Variants in NCOR2 observed in about 807,000 individuals in gnomAD.
NCOR2 encodes CTG repeat protein 26.
A neutral mutation model predicts 262.9 loss-of-function variants in NCOR2; 81 were observed. The observed-to-expected ratio is 0.31, with a 90% CI of 0.26 to 0.37. NCOR2 has a LOEUF of 0.37. Among genes scored for constraint, NCOR2 ranks in the 10% least tolerant of loss-of-function variants. The pLI is 1.00. For missense variants in NCOR2, 3,385 were observed against 3,621.4 expected (o/e 0.93, Z 1.68); for synonymous variants, 1,659 against 1,559.3 (o/e 1.06, Z -1.51).
chr12:124,327,711 A>G lies in NCOR2; in HGVS notation c.6959-78T>C, dbSNP rs529336278. On this transcript the variant is annotated intron_variant, in intron 44 of 46. Coordinates refer to ENST00000405201, the Ensembl canonical transcript of NCOR2. ...AGCCAGAGGGGCGACAGAGAGAGAG[A>G]AGGGAGAGAGAGAGGGAAGGAGGAG... 1.1e-4 allele frequency: 110 copies of G among 1,021,336 alleles called. 1 individual carries two copies. In the African/African-American group the frequency reaches 1.7e-3, roughly 16 times the overall value. 63.3% of individuals were successfully genotyped at this position (1,021,336 alleles called of 1,614,324 possible).
intron 19 of NCOR2, among the ~76,000 whole-genome samples, chr12:124,373,495 T>TCAC (rs1370130849): frequency 2.2e-5 from 2 of 91,328 alleles, no homozygotes; most frequent in African/African-American, 1.0e-4. Flanking sequence ...CAGTGGACAG[T>TCAC]GAGGCCAGTG....
chr12:124,463,873 C>G (rs1251586633), intron 5 of NCOR2, among the ~76,000 whole-genome samples: 1 of 151,930 alleles, frequency 6.6e-6, no homozygotes, highest in African/African-American at 2.4e-5. Flanking sequence ...CAGGCCAGAG[C>G]TGGCCACCCG....
exon 47 of NCOR2, chr12:124,325,179 T>A: frequency 1.3e-5 from 3 of 223,232 alleles, no homozygotes. Context: ...CAGGTAAACA[T>A]CCCCTGAGTA....
intron 44 of NCOR2, among the ~76,000 whole-genome samples, chr12:124,330,441 T>C (rs951170947): frequency 6.6e-6 from 1 of 152,264 alleles, no homozygotes; most frequent in African/African-American, 2.4e-5. Flanking sequence ...TGGCTGGATT[T>C]AAGGAATGAA....
intron 5 of NCOR2, among the ~76,000 whole-genome samples, chr12:124,461,158 G>A (rs1180996515): frequency 2.0e-5 from 3 of 152,206 alleles, no homozygotes; most frequent in Admixed American, 1.3e-4. Context: ...TCTCAATCCC[G>A]CTGAAACCCG....
chr12:124,325,611 G>C, intron 46 of NCOR2, 28 bp from the exon 49 acceptor site: 3 of 1,263,470 alleles, frequency 2.4e-6, no homozygotes, highest in Non-Finnish European at 2.0e-6. Context: ...AGATGCCCAG[G>C]AGGCCTCTGT....
chr12:124,495,132 T>G lies in NCOR2; in HGVS notation c.105+15A>C, dbSNP rs201531964. 6.8e-6 allele frequency: 11 copies of G among 1,613,068 alleles called. No individual in the cohort carries two copies. The highest frequency in any genetic ancestry group is 8.5e-6 in the Non-Finnish European group (10 of 1,179,662). On this transcript the variant is annotated intron_variant, in intron 1 of 46. Coordinates refer to ENST00000405201, the Ensembl canonical transcript of NCOR2. The surrounding 1 kb of genome is among the most constrained non-coding windows in gnomAD (Gnocchi z 4.4). Reference sequence around the variant, plus strand: ...TCAAAGGTAGCCCCAGGCGCACACATGTGCACCCCCTTACCGTGTGCGTCC... The same window carrying G: ...TCAAAGGTAGCCCCAGGCGCACACAGGTGCACCCCCTTACCGTGTGCGTCC...
At chr12:124,463,553 A>G (rs1565965948) in intron 5 of NCOR2, among the ~76,000 whole-genome samples, 1 of 152,178 alleles carries the variant, frequency 6.6e-6, no homozygotes, top group South Asian at 2.1e-4. Flanking sequence ...ATGTGCTCCG[A>G]ATGGATAATG....
chr12:124,325,738 G>A lies in NCOR2; in HGVS notation c.7364-155C>T, dbSNP rs577915682. ...TTGCGAACAGGTCTCAGAACCGTCT[G>A]CCTCTCTTCACCTGTTCTACTTCCG... On this transcript the variant is annotated intron_variant, in intron 46 of 46. Transcript: ENST00000405201. Among the ~76,000 whole-genome samples, 8 of 152,290 alleles carry A rather than the reference G, an allele frequency of 5.3e-5. No homozygotes were observed. In the East Asian group the frequency reaches 1.2e-3, roughly 22 times the overall value.
chr12:124,348,687 C>A, intron 28 of NCOR2: 1 of 299,402 alleles, frequency 3.3e-6, no homozygotes. Context: ...CACACACATG[C>A]ACGTGAGCAA....
Position 124,549,175 on chromosome 12 carries a change from T to C in NCOR2, c.-164-13564A>G, listed in dbSNP as rs2051633243. 6.6e-6 allele frequency among the ~76,000 whole-genome samples: 1 copy of C among 151,746 alleles called. No individual in the cohort carries two copies. The highest frequency in any genetic ancestry group is 1.5e-5 in the Non-Finnish European group (1 of 67,940). ...TGAGCCTTCGCTGCTTGCCTGGCAA[T>C]GATGATGGTTGCTGGGTCACGAGAT... is the stretch of plus-strand genomic sequence containing the variant. On this transcript the variant is annotated intron_variant, in intron 1 of 32. Coordinates refer to the NCOR2 transcript ENST00000458234. This position sits in a 1 kb window ranked among gnomAD's most constrained non-coding sequence, Gnocchi z 4.4.
intron 1 of NCOR2, among the ~76,000 whole-genome samples, chr12:124,508,657 C>T (rs952086325): frequency 2.6e-5 from 4 of 152,172 alleles, no homozygotes; most frequent in Non-Finnish European, 4.4e-5. Context: ...ACAGGGTCCA[C>T]GTGGGGCAGG....
chr12:124,390,477 G>GGCC (rs1593336559), intron 16 of NCOR2, among the ~76,000 whole-genome samples: 1 of 129,118 alleles, frequency 7.7e-6, no homozygotes, highest in African/African-American at 3.4e-5. Context: ...CCTCCAAAGT[G>GGCC]ACCCCCCCCC....
Position 124,523,726 on chromosome 12 carries a change from C to G in NCOR2, c.-118+11839G>C, listed in dbSNP as rs552696431. 2.0e-5 allele frequency among the ~76,000 whole-genome samples: 3 copies of G among 152,068 alleles called. No homozygotes were observed. Among genetic ancestry groups the G allele is most frequent in the African/African-American group, 7.3e-5 (3 of 41,376 alleles). On this transcript the variant is annotated intron_variant, in intron 1 of 46. Transcript: ENST00000404621. This position sits in a 1 kb window ranked among gnomAD's most constrained non-coding sequence, Gnocchi z 4.0. ...GGCTGCATTTAAAACCGTCCTGAGCCGCAGGTTGGACAAGCTTGCCTTACA... is the reference window on the plus strand; with the variant it reads ...GGCTGCATTTAAAACCGTCCTGAGCGGCAGGTTGGACAAGCTTGCCTTACA...
At position 124,335,606 on chromosome 12, in the gene NCOR2, C is replaced by T. The variant is rs372303606; in HGVS notation, c.6142G>A (p.Glu2048Lys). The change falls in exon 39 of 47, where the codon GAA becomes AAA. Residue 2048 changes from glutamate to lysine, a missense_variant. Around this residue, in one of 5 missense-constraint regions of NCOR2, gnomAD observed 1,017 missense variants for 967.2 expected, o/e 1.05. Coordinates refer to ENST00000405201, the Ensembl canonical transcript of NCOR2. ...ACAGGGCTGACGGGCTCCACCCCTT[C>T]GGGGCTGTAGCTGCTGCCGTGGTAA... The T allele has an allele frequency of 1.9e-5, 31 of 1,605,624 alleles. No homozygotes were observed. Among genetic ancestry groups the T allele is most frequent in the African/African-American group, 2.7e-5 (2 of 74,876 alleles).
At chr12:124,413,182 G>A (rs914624858) in intron 13 of NCOR2, among the ~76,000 whole-genome samples, 3 of 152,196 alleles carry the variant, frequency 2.0e-5, no homozygotes, top group Non-Finnish European at 4.4e-5. Context: ...CCCCAACTCA[G>A]GAAACCCACA....
At chr12:124,403,629 CA>C (rs1015857544) in intron 13 of NCOR2, among the ~76,000 whole-genome samples, 9 of 152,154 alleles carry the variant, frequency 5.9e-5, no homozygotes, top group African/African-American at 2.2e-4. Flanking sequence ...TAATGTGTAC[CA>C]GGGGCACAGT....
upstream of NCOR2, among the ~76,000 whole-genome samples, chr12:124,500,201 T>G (rs2048622976): frequency 6.6e-6 from 1 of 152,038 alleles, no homozygotes; most frequent in Admixed American, 6.5e-5. Flanking sequence ...CAAGCAGGCC[T>G]CTGCACATCC....
At chr12:124,374,340 T>C (rs931904800) in intron 19 of NCOR2, 73 bp downstream of exon 21, 16 of 1,487,260 alleles carry the variant, frequency 1.1e-5, no homozygotes, top group South Asian at 1.1e-5. Context: ...GGGTTCCTTG[T>C]GGAGGACCGG....
Sources: allele counts gnomAD v4.1 joint callset (sites outside exome capture counted in the v4.1 genomes callset), GRCh38; gene constraint gnomAD v4.1.1; regional missense constraint gnomAD v4.1.1; non-coding constraint Gnocchi (gnomAD v3.1); transcripts MANE v1.5; gene names NCBI Gene and HGNC (gene_info 2026-07-23, HGNC 2026-07-21).